Variants in LAMA3 observed in about 807,000 individuals in gnomAD.
The protein encoded by LAMA3 is laminin subunit alpha-3.
In LAMA3, 281 loss-of-function variants were observed where a neutral mutation model predicts 402.0. The observed-to-expected ratio is 0.70, with a 90% CI of 0.63 to 0.77. The LOEUF is 0.77. Among genes scored for constraint, LAMA3 ranks in the 30% least tolerant of loss-of-function variants. The pLI, the probability that LAMA3 is intolerant of heterozygous loss-of-function variation, is 0.00. For synonymous variants in LAMA3, 1,431 were observed against 1,558.4 expected, an observed-to-expected ratio of 0.92 and a Z score of 1.93; for missense variants, 3,840 against 4,215.5, an observed-to-expected ratio of 0.91 and a Z score of 2.47.
At chr18:23,775,078 A>T (rs1003287350) in intron 9 of LAMA3, among the ~76,000 whole-genome samples, 2 of 152,210 alleles carry the variant, frequency 1.3e-5, no homozygotes, top group Non-Finnish European at 2.9e-5. Flanking sequence ...GGACACCAGG[A>T]TGCCAGGTCA....
At chr18:23,805,464 T>C (rs1034877882) in intron 12 of LAMA3, among the ~76,000 whole-genome samples, 1 of 152,186 alleles carries the variant, frequency 6.6e-6, no homozygotes, top group African/African-American at 2.4e-5. Flanking sequence ...CCACTTGGCC[T>C]TTTCCATCAT....
In LAMA3 at chr18:23,949,833, C is replaced by A; in HGVS notation, c.9420C>A (p.Thr3140=). 6.2e-7 allele frequency: 1 copy of A among 1,613,898 alleles called. No individual in the cohort carries two copies. The highest frequency in any genetic ancestry group is 8.5e-7 in the Non-Finnish European group (1 of 1,179,976). ...NFQLDSKPLY[T]PSSSFGVSSC... ...AGCTGGATTCAAAACCCTTGTATAC[C>A]CCTTCTTCAAGCTTCGGGGTGTCTT... The change falls in exon 71 of 75, where the codon ACC becomes ACA. Residue 3140 remains threonine, a synonymous_variant. Coordinates refer to ENST00000313654, the MANE Select transcript of LAMA3 (RefSeq NM_198129.4).
chr18:23,769,193 C>T (rs930189415), intron 8 of LAMA3, among the ~76,000 whole-genome samples: 13 of 152,252 alleles, frequency 8.5e-5, no homozygotes, highest in African/African-American at 3.1e-4. Context: ...TACCTACCTT[C>T]CCAACCCCTC....
Position 23,857,852 on chromosome 18 carries a change from C to T in LAMA3, c.4145C>T (p.Pro1382Leu), listed in dbSNP as rs200742470. 6.2e-7 allele frequency: 1 copy of T among 1,614,126 alleles called. No individual in the cohort carries two copies. Among genetic ancestry groups the T allele is most frequent in the Non-Finnish European group, 8.5e-7 (1 of 1,180,032 alleles). Residue 1382 changes from proline (P) to leucine (L), a missense_variant, in exon 33 of 75, where the codon CCC (proline) becomes CTC (leucine). Coordinates refer to ENST00000313654, the MANE Select transcript of LAMA3 (RefSeq NM_198129.4). ...CTTTACTTTGTGTACAGATGCAAGC[C>T]CAGAATCACAGGGCGGCAGTGTGAC... ...DRDSGQCRCK[P>L]RITGRQCDRC...
intron 22 of LAMA3, 135 bp from the exon 23 acceptor site, chr18:23,827,179 T>C: frequency 1.0e-6 from 1 of 980,836 alleles, no homozygotes; most frequent in African/African-American, 1.6e-5. Context: ...AGCAGACACT[T>C]AATAAGAGTT....
rs371860543 is a variant in LAMA3 at position 23,837,021 on chromosome 18, A to T, written c.3025A>T (p.Ile1009Phe). Residue 1009 changes from isoleucine (I) to phenylalanine (F), a missense_variant, in exon 25 of 75, where the codon ATC (isoleucine) becomes TTC (phenylalanine). Physicochemically the swap from Ile to Phe is conservative, Grantham distance 21. This residue lies in a region of LAMA3 where 2,109 missense variants were observed against 2,376.0 expected (regional missense o/e 0.89). Transcript: ENST00000313654. ...RSAVIDHMSR[I>F]AMYELLADAD... ...TGCTGTGATTGATCACATGAGCCGC[A>T]TCGCCATGTATGAGCTATTGGCAGA... The T allele has an allele frequency of 1.2e-6, 2 of 1,613,976 alleles. No homozygotes were observed. Among genetic ancestry groups the T allele is most frequent in the African/African-American group, 1.3e-5 (1 of 74,948 alleles).
chr18:23,842,561 TG>T (rs759351985), intron 28 of LAMA3, 40 bp downstream of exon 28: 16 of 1,614,126 alleles, frequency 9.9e-6, no homozygotes, highest in Non-Finnish European at 1.2e-5. Flanking sequence ...TGCCTCAGGC[TG>T]AATCTACAGT....
chr18:23,846,608 C>G (rs2063822444), intron 31 of LAMA3, 100 bp downstream of exon 31: 2 of 1,088,352 alleles, frequency 1.8e-6, no homozygotes. Flanking sequence ...TAGAGACTCA[C>G]CTGGAGATCT....
intron 32 of LAMA3, among the ~76,000 whole-genome samples, chr18:23,856,487 C>A (rs991548264): frequency 6.6e-6 from 1 of 152,202 alleles, no homozygotes; most frequent in African/African-American, 2.4e-5. Flanking sequence ...GAATGCAGTG[C>A]TTGGCTCCCC....
At chr18:23,796,169 T>C (rs2062759695) in intron 12 of LAMA3, 3 of 335,190 alleles carry the variant, frequency 9.0e-6, no homozygotes, top group South Asian at 7.2e-5. Context: ...CTATGGTATT[T>C]TGTTATGGCA....
intron 35 of LAMA3, among the ~76,000 whole-genome samples, chr18:23,864,506 C>G (rs2064303988): frequency 6.6e-6 from 1 of 152,152 alleles, no homozygotes; most frequent in South Asian, 2.1e-4. Flanking sequence ...GGATTATAGG[C>G]ATGAGCTACT....
At chr18:23,836,527 C>A (rs527481919) in intron 24 of LAMA3, among the ~76,000 whole-genome samples, 1 of 152,274 alleles carries the variant, frequency 6.6e-6, no homozygotes, top group East Asian at 1.9e-4. Context: ...GGAGGAGAAC[C>A]AGACTGAGTT....
chr18:23,882,609 T>TAAA (rs10555585), intron 40 of LAMA3, among the ~76,000 whole-genome samples: 1 of 138,806 alleles, frequency 7.2e-6, no homozygotes, highest in Admixed American at 7.1e-5. Context: ...GACTCCATCT[T>TAAA]AAAAAAAAAA....
chr18:23,834,748 A>T (rs539831146), intron 24 of LAMA3: 1 of 152,384 alleles, frequency 6.6e-6, no homozygotes, highest in African/African-American at 2.4e-5. Context: ...TACTACTTTC[A>T]TGTTGCTTTT....
chr18:23,915,331 G>T lies in LAMA3; in HGVS notation c.7687G>T (p.Glu2563Ter). Residue 2563 changes from glutamate (E) to a stop codon, truncating the protein, a stop_gained, in exon 59 of 75, where the codon GAA (glutamate) becomes TAA (stop). Coordinates refer to ENST00000313654, the MANE Select transcript of LAMA3 (RefSeq NM_198129.4). LOFTEE classifies it high-confidence loss of function. The stretch of plus-strand genomic sequence containing the variant: ...TTTCCCTCCATACAAAGGTTGTATT[G>T]AATTAGATGACCTCAATGAAAATGT... ...LSFPPYKGCI[E>*]LDDLNENVLS... is the part of the protein sequence containing the mutation. 1 of 1,613,382 alleles carries T rather than the reference G, an allele frequency of 6.2e-7. No homozygotes were observed.
chr18:23,837,159 A>G, intron 25 of LAMA3, 70 bp downstream of exon 25: 1 of 1,094,552 alleles, frequency 9.1e-7, no homozygotes. Context: ...GAAGCTTATT[A>G]AAATTTTGGC....
intron 65 of LAMA3, 27 bp downstream of exon 65, chr18:23,931,228 G>A: frequency 6.2e-7 from 1 of 1,603,264 alleles, no homozygotes; most frequent in Non-Finnish European, 8.5e-7. Context: ...TTCTGTCAGA[G>A]CTGTGAGTGA....
chr18:23,832,540 G>T (rs1171216769), intron 23 of LAMA3, among the ~76,000 whole-genome samples: 2 of 152,176 alleles, frequency 1.3e-5, no homozygotes, highest in African/African-American at 2.4e-5. Context: ...GCGGAGGTGG[G>T]TTACACTGCT....
intron 1 of LAMA3, among the ~76,000 whole-genome samples, chr18:23,700,010 T>C (rs1217317908): frequency 6.6e-6 from 1 of 152,148 alleles, no homozygotes; most frequent in African/African-American, 2.4e-5. Flanking sequence ...TTACGAAAAT[T>C]AATCCTTTAT....
Sources: gnomAD v4.1 joint callset for allele counts (sites outside exome capture counted in the v4.1 genomes callset) on GRCh38, gnomAD v4.1.1 for gene constraint, gnomAD v4.1.1 regional missense constraint, MANE v1.5 for transcripts, NCBI Gene and HGNC (gene_info 2026-07-23, HGNC 2026-07-21) for gene names.